The following TRIOBP variants were observed in gnomAD, a reference collection of about 807,000 sequenced individuals.
TRIOBP encodes TRIO and F-actin binding protein.
In TRIOBP, 169 loss-of-function variants were observed where a neutral mutation model predicts 238.8. The ratio of observed to expected loss-of-function variants is 0.71; its 90% CI spans 0.62 to 0.80. TRIOBP has a LOEUF of 0.80. Ranked by LOEUF, TRIOBP falls within the 30% of genes least tolerant of loss-of-function variation. The pLI, the probability that TRIOBP is intolerant of heterozygous loss-of-function variation, is 0.00. For synonymous variants in TRIOBP, 1,150 were observed against 1,274.4 expected (o/e 0.90, Z 2.08); for missense variants, 2,838 against 3,122.6 (o/e 0.91, Z 2.17).
intron 6 of TRIOBP, among the ~76,000 whole-genome samples, chr22:37,719,812 G>T (rs1384612053): frequency 2.0e-5 from 3 of 151,738 alleles, no homozygotes; most frequent in African/African-American, 7.3e-5. Flanking sequence ...GGCCCCTTCT[G>T]TCTTCTCCCT....
intron 5 of TRIOBP, among the ~76,000 whole-genome samples, chr22:37,714,679 A>C (rs948904923): frequency 2.6e-5 from 4 of 152,030 alleles, no homozygotes; most frequent in Non-Finnish European, 4.4e-5. Flanking sequence ...GAGAAAAAAA[A>C]AAAAGTTGAT....
intron 9 of TRIOBP, among the ~76,000 whole-genome samples, chr22:37,736,982 G>A (rs1434672917): frequency 1.3e-5 from 2 of 152,192 alleles, no homozygotes; most frequent in African/African-American, 4.8e-5. Context: ...TGGGAGGACT[G>A]GAGAACCCTC....
chr22:37,732,509 CAAA>C (rs36003951), intron 7 of TRIOBP, among the ~76,000 whole-genome samples: 324 of 99,850 alleles, frequency 3.2e-3, no homozygotes, highest in Non-Finnish European at 5.3e-3. Flanking sequence ...GACTCCATCT[CAAA>C]AAAAAAAAAA....
intron 15 of TRIOBP, 134 bp from the exon 16 acceptor site, chr22:37,757,479 C>A: frequency 8.1e-7 from 1 of 1,231,744 alleles, no homozygotes; most frequent in Non-Finnish European, 1.1e-6. Context: ...AAGCTCAGGT[C>A]GGGCTGCTTC....
intron 6 of TRIOBP, 50 bp downstream of exon 6, chr22:37,715,984 C>G: frequency 6.2e-7 from 1 of 1,604,910 alleles, no homozygotes. Context: ...TGGGGCCCCC[C>G]AGATAGCCAT....
At position 37,759,281 on chromosome 22, in the gene TRIOBP, GT is replaced by G; in HGVS notation, c.6324+22del. 6.2e-7 allele frequency: 1 copy of G among 1,606,596 alleles called. No individual in the cohort carries two copies. On this transcript the variant is annotated intron_variant, in intron 17 of 23. Transcript: ENST00000644935. Reference sequence around the variant, plus strand: ...ATCTCACAGGTAAGGCCGGGGGGCTGTTTTTCAGGGGGAGGGGGCAGATTTC... The same window carrying G: ...ATCTCACAGGTAAGGCCGGGGGGCTGTTTTCAGGGGGAGGGGGCAGATTTC...
intron 17 of TRIOBP, among the ~76,000 whole-genome samples, chr22:37,762,266 A>C (rs73168260): frequency 6.6e-6 from 1 of 152,046 alleles, no homozygotes; most frequent in East Asian, 1.9e-4. Flanking sequence ...AGGTCTCACT[A>C]TGTTCCCTGG....
In TRIOBP at chr22:37,746,347, C is replaced by T. The variant is rs766939535; in HGVS notation, c.5322+5315C>T. ...GGCGGCGGCGGCGGGGTTCCCGCGC[C>T]GCGGAGCCCGGCCCGAGAGCCGCGT... On this transcript the variant is annotated intron_variant, in intron 11 of 23. Transcript: ENST00000644935. 5 of 1,180,996 alleles carry T rather than the reference C, an allele frequency of 4.2e-6. No individual in the cohort carries two copies. The South Asian group carries it at 1.2e-4, about 27-fold the overall frequency. The allele number at this position is 1,180,996 out of a possible 1,614,324, so 73.2% of individuals were successfully genotyped here.
At chr22:37,705,243 T>C (rs1011848551) in intron 3 of TRIOBP, among the ~76,000 whole-genome samples, 3 of 151,818 alleles carry the variant, frequency 2.0e-5, no homozygotes, top group African/African-American at 7.3e-5. Flanking sequence ...CATGTGGTGG[T>C]GGGTGCCTGT....
chr22:37,730,463 G>T (rs113169924), intron 7 of TRIOBP, among the ~76,000 whole-genome samples: 207 of 152,312 alleles, frequency 1.4e-3, no homozygotes, highest in African/African-American at 4.5e-3. Context: ...ACACACAAGT[G>T]CCTTGCTTCC....
At position 37,757,691 on chromosome 22, in the gene TRIOBP, G is replaced by A; in HGVS notation, c.5766G>A (p.Arg1922=). ...GCCCCCTGAAGGCAGGGGAGCAGCGGGCGGGCTCTGAGGTCATCAGCCGGG... is the reference window on the plus strand; with the variant it reads ...GCCCCCTGAAGGCAGGGGAGCAGCGAGCGGGCTCTGAGGTCATCAGCCGGG... ...QKGPLKAGEQ[R]AGSEVISRGG... Residue 1922 remains arginine, a synonymous_variant, in exon 16 of 24, where the codon CGG becomes CGA. Coordinates refer to ENST00000644935, the MANE Select transcript of TRIOBP (RefSeq NM_001039141.3). 2 of 1,584,866 alleles carry A rather than the reference G, an allele frequency of 1.3e-6. No individual in the cohort carries two copies. Among genetic ancestry groups the A allele is most frequent in the Non-Finnish European group, 1.7e-6 (2 of 1,166,842 alleles).
In TRIOBP at chr22:37,741,033, G is replaced by T. The variant is rs764840521; in HGVS notation, c.5322+1G>T. 4 of 1,562,978 alleles carry T rather than the reference G, an allele frequency of 2.6e-6. No homozygotes were observed. Among genetic ancestry groups the T allele is most frequent in the Non-Finnish European group, 3.5e-6 (4 of 1,153,218 alleles). ...TCTGGGGGTCCTCAGGTGGCGAAGG[G>T]TAGGCTGGCTCCAGTGGGGACTGGA... On this transcript the variant is annotated splice_donor_variant, in intron 11 of 23. Coordinates refer to ENST00000644935, the MANE Select transcript of TRIOBP (RefSeq NM_001039141.3). LOFTEE classifies it high-confidence loss of function.
chr22:37,734,495 C>A lies in TRIOBP; in HGVS notation c.4159C>A (p.Arg1387=). 1 of 1,610,892 alleles carries A rather than the reference C, an allele frequency of 6.2e-7. No individual in the cohort carries two copies. Among genetic ancestry groups the A allele is most frequent in the Non-Finnish European group, 8.5e-7 (1 of 1,179,096 alleles). Residue 1387 remains arginine (R), a synonymous_variant, in exon 9 of 24, where the codon CGG becomes AGG. Transcript: ENST00000644935. ...TCCTGAGAAGAGACCTGAGGGAGAT[C>A]GGCAGCTCCAGGGGTCCCCGCTGCC... ...WSPEKRPEGD[R]QLQGSPLPPR...
At chr22:37,715,652 C>A in intron 5 of TRIOBP, 111 bp from the exon 6 acceptor site, 1 of 1,329,506 alleles carries the variant, frequency 7.5e-7, no homozygotes, top group Non-Finnish European at 1.0e-6. Flanking sequence ...CAGGGAAGTG[C>A]TTTTTAATGC....
At chr22:37,759,643 A>C in intron 17 of TRIOBP, 1 of 1,532,814 alleles carries the variant, frequency 6.5e-7, no homozygotes, top group Non-Finnish European at 8.7e-7. Context: ...CTCCCTGAAC[A>C]CAGGGAAATC....
chr22:37,750,594 C>T (rs753090088), intron 11 of TRIOBP: 1 of 469,502 alleles, frequency 2.1e-6, no homozygotes, highest in South Asian at 1.5e-5. Context: ...AAACGCAGCC[C>T]CAGGGGTTCT....
intron 15 of TRIOBP, 146 bp downstream of exon 15, chr22:37,755,805 C>T (rs1490582830): frequency 8.2e-6 from 6 of 728,480 alleles, no homozygotes; most frequent in South Asian, 3.0e-5. Context: ...TGAGCATTCT[C>T]GGTATCATCC....
rs1927011367 is a variant in TRIOBP, at chr22:37,775,971, A to AGCCACTGGGAGATGGGATGCCT, written c.*2200_*2221dup. On this transcript the variant is annotated 3_prime_UTR_variant, in exon 24 of 24. Transcript: ENST00000644935. ...GCCTTAGGAGATCAGGAGTGTTCCT[A>AGCCACTGGGAGATGGGATGCCT]GCCACTGGGAGATGGGATGCCTGCC... 1.3e-5 allele frequency: 2 copies of AGCCACTGGGAGATGGGATGCCT among 152,290 alleles called. No homozygotes were observed. Among genetic ancestry groups the AGCCACTGGGAGATGGGATGCCT allele is most frequent in the African/African-American group, 2.4e-5 (1 of 41,518 alleles). The allele number at this position is 152,290 out of a possible 1,614,324, so 9.4% of individuals were successfully genotyped here. A position where few individuals can be genotyped will look rare whatever the true frequency, so the allele number is the denominator to read the frequency against.
At chr22:37,709,621 G>A (rs1923131616) in intron 3 of TRIOBP, among the ~76,000 whole-genome samples, 1 of 152,186 alleles carries the variant, frequency 6.6e-6, no homozygotes, top group African/African-American at 2.4e-5. Context: ...AGGGTGCCAT[G>A]GCCGCTGTCT....
Sources: allele counts gnomAD v4.1 joint callset (sites outside exome capture counted in the v4.1 genomes callset), GRCh38; gene constraint gnomAD v4.1.1; transcripts MANE v1.5; gene names NCBI Gene and HGNC (gene_info 2026-07-23, HGNC 2026-07-21).